The following LRP1B variants were observed in gnomAD, a reference collection of about 807,000 sequenced individuals.
LRP1B encodes low-density lipoprotein receptor-related protein 1B.
A neutral mutation model predicts 556.6 loss-of-function variants in LRP1B; 217 were observed. The ratio of observed to expected loss-of-function variants is 0.39; its 90% CI spans 0.35 to 0.44. The LOEUF is 0.44. LRP1B is among the 20% of genes least tolerant of loss of function. The pLI is 1.00. For synonymous variants in LRP1B, 2,047 were observed against 1,865.8 expected, an observed-to-expected ratio of 1.10 and a Z score of -2.50; for missense variants, 5,053 against 5,620.8, an observed-to-expected ratio of 0.90 and a Z score of 3.23.
chr2:140,552,396 A>G (rs1295239915), intron 43 of LRP1B, among the ~76,000 whole-genome samples: 1 of 152,146 alleles, frequency 6.6e-6, no homozygotes, highest in Non-Finnish European at 1.5e-5. Context: ...CTAATAGTTT[A>G]GTTTTTACTT....
At chr2:141,353,464 A>G (rs1280845109) in intron 3 of LRP1B, among the ~76,000 whole-genome samples, 1 of 151,998 alleles carries the variant, frequency 6.6e-6, no homozygotes, top group African/African-American at 2.4e-5. Flanking sequence ...CCCAAACTCC[A>G]TATTTCATTA....
rs117231696 is a variant in LRP1B at position 141,813,189 on chromosome 2, T to G, written c.83-2788A>C. Among the ~76,000 whole-genome samples, 341 of 152,278 alleles carry G rather than the reference T, an allele frequency of 2.2e-3. 4 individuals are homozygous for G. In the East Asian group the frequency reaches 0.038, roughly 17 times the overall value. On this transcript the variant is annotated intron_variant, in intron 1 of 90. Transcript: ENST00000389484. ...ATAAATAAAAATAGGCCAGAATTCC[T>G]GTTATCATGGATCTTACATTATAAT...
At chr2:141,431,908 G>A (rs1164555963) in intron 3 of LRP1B, among the ~76,000 whole-genome samples, 2 of 152,020 alleles carry the variant, frequency 1.3e-5, no homozygotes, top group Non-Finnish European at 2.9e-5. Context: ...CATATACAAG[G>A]AGAGATATTT....
chr2:140,546,715 C>A (rs1298812716), intron 43 of LRP1B, among the ~76,000 whole-genome samples: 3 of 152,040 alleles, frequency 2.0e-5, no homozygotes, highest in Non-Finnish European at 4.4e-5. Context: ...GGAGACACAG[C>A]CAAACCATAT....
intron 7 of LRP1B, among the ~76,000 whole-genome samples, chr2:141,089,146 T>C (rs1173555948): frequency 2.6e-5 from 4 of 152,294 alleles, no homozygotes; most frequent in East Asian, 3.9e-4. Flanking sequence ...AAATCCATTA[T>C]AGTTTGAATA....
chr2:141,982,172 C>T (rs935429617), intron 1 of LRP1B, among the ~76,000 whole-genome samples: 5 of 151,762 alleles, frequency 3.3e-5, no homozygotes, highest in East Asian at 3.9e-4. Context: ...TAACTCAATC[C>T]GTACAGTTCT....
intron 2 of LRP1B, among the ~76,000 whole-genome samples, chr2:141,728,839 C>A (rs1464611506): frequency 6.6e-6 from 1 of 152,164 alleles, no homozygotes; most frequent in Non-Finnish European, 1.5e-5. Flanking sequence ...TCTATCCGCT[C>A]TCACACGTGA....
chr2:140,276,595 C>G (rs1458344965), intron 84 of LRP1B, among the ~76,000 whole-genome samples: 1 of 151,864 alleles, frequency 6.6e-6, no homozygotes, highest in African/African-American at 2.4e-5. Flanking sequence ...AATGCAGAAA[C>G]CTCTGAAGAA....
chr2:140,601,382 T>C, intron 42 of LRP1B, 68 bp downstream of exon 42: 1 of 1,216,900 alleles, frequency 8.2e-7, no homozygotes, highest in Non-Finnish European at 1.1e-6. Context: ...ATTCTTAAAA[T>C]TAACAGAACT....
intron 3 of LRP1B, among the ~76,000 whole-genome samples, chr2:141,351,712 C>A (rs957077048): frequency 2.0e-5 from 3 of 151,946 alleles, no homozygotes; most frequent in Admixed American, 6.6e-5. Context: ...ATAATCAATA[C>A]TCTAATAACA....
intron 2 of LRP1B, among the ~76,000 whole-genome samples, chr2:141,500,856 T>C (rs1683687967): frequency 6.6e-6 from 1 of 152,134 alleles, no homozygotes; most frequent in Admixed American, 6.6e-5. Flanking sequence ...CCTCTATTGC[T>C]TTAGAAATAA....
At chr2:141,274,432 A>C (rs1685206155) in intron 3 of LRP1B, among the ~76,000 whole-genome samples, 1 of 152,188 alleles carries the variant, frequency 6.6e-6, no homozygotes, top group African/African-American at 2.4e-5. Context: ...TCATTATGCT[A>C]GTGAAAGTAG....
chr2:141,327,362 TCA>T (rs1687465456), intron 3 of LRP1B, among the ~76,000 whole-genome samples: 1 of 152,166 alleles, frequency 6.6e-6, no homozygotes, highest in South Asian at 2.1e-4. Context: ...ATGGTGATAG[TCA>T]CAGTCGTGGA....
chr2:140,549,049 T>C (rs2105042700), intron 43 of LRP1B, among the ~76,000 whole-genome samples: 1 of 152,290 alleles, frequency 6.6e-6, no homozygotes, highest in East Asian at 1.9e-4. Flanking sequence ...AACTGCTAAT[T>C]ACCCTCCCAT....
In LRP1B at chr2:141,143,181, G is replaced by A. The variant is rs527542436; in HGVS notation, c.1013+45240C>T. Reference sequence around the variant, plus strand: ...CCTGACCTCGTGATCCACCCCACTCGGCCTCCCAAAGTGTTGGGATTACAG... The same window carrying A: ...CCTGACCTCGTGATCCACCCCACTCAGCCTCCCAAAGTGTTGGGATTACAG... On this transcript the variant is annotated intron_variant, in intron 7 of 90. Transcript: ENST00000389484. Among the ~76,000 whole-genome samples, 12 of 152,012 alleles carry A rather than the reference G, an allele frequency of 7.9e-5. No homozygotes were observed. In the East Asian group the frequency reaches 2.3e-3, roughly 30 times the overall value.
intron 2 of LRP1B, among the ~76,000 whole-genome samples, chr2:141,555,040 A>G (rs1559138496): frequency 1.3e-5 from 2 of 152,014 alleles, no homozygotes; most frequent in South Asian, 4.1e-4. Flanking sequence ...ATAAAGTCCC[A>G]AAGGGGAAGA....
At chr2:141,698,151 T>G (rs1691798485) in intron 2 of LRP1B, among the ~76,000 whole-genome samples, 1 of 151,842 alleles carries the variant, frequency 6.6e-6, no homozygotes, top group South Asian at 2.1e-4. Flanking sequence ...TTAAACTTTT[T>G]TTGGCGGTGG....
chr2:141,758,511 TAATACATAAAG>T (rs1432313374), intron 2 of LRP1B, among the ~76,000 whole-genome samples: 3 of 152,090 alleles, frequency 2.0e-5, no homozygotes, highest in Non-Finnish European at 4.4e-5. Flanking sequence ...GTATTATGAA[TAATACATAAAG>T]AATGGGATAA....
At chr2:140,876,682 C>T (rs1693316043) in intron 25 of LRP1B, among the ~76,000 whole-genome samples, 1 of 152,090 alleles carries the variant, frequency 6.6e-6, no homozygotes, top group Non-Finnish European at 1.5e-5. Flanking sequence ...AGGAATCCAC[C>T]CAACTCATAG....
Sources: gnomAD v4.1 joint callset for allele counts (sites outside exome capture counted in the v4.1 genomes callset) on GRCh38, gnomAD v4.1.1 for gene constraint, MANE v1.5 for transcripts, NCBI Gene and HGNC (gene_info 2026-07-23, HGNC 2026-07-21) for gene names.